The following CALN1 variants were observed in gnomAD, a reference collection of about 807,000 sequenced individuals.
The protein encoded by CALN1 is calcium-binding protein 8.
Under a neutral mutation model 30.6 loss-of-function variants are expected in CALN1, and 17 were observed. The ratio of observed to expected loss-of-function variants is 0.56; its 90% CI spans 0.38 to 0.83. CALN1 has a LOEUF of 0.83. Ranked by LOEUF, CALN1 falls within the 40% of genes least tolerant of loss-of-function variation. The pLI is 0.00. For synonymous variants in CALN1, 156 were observed against 131.4 expected (o/e 1.19, Z -1.28); for missense variants, 291 against 354.9 (o/e 0.82, Z 1.45).
intron 5 of CALN1, among the ~76,000 whole-genome samples, chr7:71,922,044 CCAAA>C (rs1794974442): frequency 6.6e-6 from 1 of 152,162 alleles, no homozygotes; most frequent in Middle Eastern, 3.2e-3. Flanking sequence ...CAATTGTTGG[CCAAA>C]CAGAGGTGAG....
Position 72,242,192 on chromosome 7 carries a change from T to C in CALN1, c.244+36494A>G, listed in dbSNP as rs867385823. ...CTATCTTCAAGGTGCACCCATGCTGTAGTGTGTGTCAGAATGTCCTTCCTT... is the reference window on the plus strand; with the variant it reads ...CTATCTTCAAGGTGCACCCATGCTGCAGTGTGTGTCAGAATGTCCTTCCTT... On this transcript the variant is annotated intron_variant, in intron 3 of 6. Coordinates refer to ENST00000395275, the MANE Select transcript of CALN1 (RefSeq NM_031468.4). Among the ~76,000 whole-genome samples, 4 of 152,162 alleles carry C rather than the reference T, an allele frequency of 2.6e-5. No individual in the cohort carries two copies. In the South Asian group the frequency reaches 6.2e-4, roughly 24 times the overall value.
chr7:72,158,263 A>C (rs1787854718), intron 3 of CALN1, among the ~76,000 whole-genome samples: 2 of 152,252 alleles, frequency 1.3e-5, no homozygotes, highest in Admixed American at 6.5e-5. Flanking sequence ...TACAATAATT[A>C]AACACTTTGG....
intron 3 of CALN1, among the ~76,000 whole-genome samples, chr7:72,241,548 A>AC (rs1416648718): frequency 1.3e-5 from 2 of 152,068 alleles, no homozygotes; most frequent in Non-Finnish European, 2.9e-5. Context: ...CTCTACTAAA[A>AC]ATACAAAATT....
At chr7:72,182,183 C>G (rs551731496) in intron 3 of CALN1, among the ~76,000 whole-genome samples, 3 of 152,192 alleles carry the variant, frequency 2.0e-5, no homozygotes, top group African/African-American at 7.2e-5. Context: ...ATTCAGAAAA[C>G]CAGGGAGCAG....
chr7:71,983,911 A>C (rs1160988811), intron 5 of CALN1, among the ~76,000 whole-genome samples: 1 of 152,208 alleles, frequency 6.6e-6, no homozygotes, highest in Non-Finnish European at 1.5e-5. Context: ...GCTGAAAATA[A>C]ATATAATCAA....
At chr7:72,349,487 A>G (rs543981075) in intron 2 of CALN1, among the ~76,000 whole-genome samples, 3 of 152,316 alleles carry the variant, frequency 2.0e-5, no homozygotes, top group South Asian at 2.1e-4. Flanking sequence ...CTGAAAACCA[A>G]TGATAGAGAA....
At chr7:71,851,208 A>AACACACACACACAC (rs56041427) in intron 5 of CALN1, among the ~76,000 whole-genome samples, 129 of 132,174 alleles carry the variant, frequency 9.8e-4, no homozygotes, top group Non-Finnish European at 1.3e-3. Context: ...CCTTGTCTCA[A>AACACACACACACAC]ACACACACAC....
intron 4 of CALN1, among the ~76,000 whole-genome samples, chr7:72,064,201 G>C (rs1803861551): frequency 6.6e-6 from 1 of 151,216 alleles, no homozygotes; most frequent in African/African-American, 2.4e-5. Context: ...AGAATCACTT[G>C]AACCCAGGAG....
chr7:72,079,645 G>A (rs73124358), intron 4 of CALN1, among the ~76,000 whole-genome samples: 31,078 of 151,698 alleles, frequency 0.2, 3,433 homozygotes, highest in East Asian at 0.28. Context: ...CACCATGGTC[G>A]TAGTCGCTTC....
chr7:72,143,814 C>A (rs1046997623), intron 3 of CALN1, among the ~76,000 whole-genome samples: 8 of 152,122 alleles, frequency 5.3e-5, no homozygotes, highest in Admixed American at 2.0e-4. Context: ...GAGTGGGGAC[C>A]AATATTCAAC....
chr7:72,421,734 A>T (rs1807618663), intron 1 of CALN1, among the ~76,000 whole-genome samples: 1 of 151,714 alleles, frequency 6.6e-6, no homozygotes, highest in South Asian at 2.1e-4. Context: ...CTACAGGCAC[A>T]TGCCACCACA....
chr7:72,439,683 T>TTC (rs1318260157), intron 1 of CALN1, among the ~76,000 whole-genome samples: 1 of 150,468 alleles, frequency 6.6e-6, no homozygotes, highest in East Asian at 2.0e-4. Flanking sequence ...GTTCAAGCAA[T>TTC]TCTCTACCTC....
At chr7:71,963,804 T>A (rs2129525423) in intron 5 of CALN1, among the ~76,000 whole-genome samples, 1 of 152,294 alleles carries the variant, frequency 6.6e-6, no homozygotes, top group East Asian at 1.9e-4. Flanking sequence ...CAAATCTGGA[T>A]AGCAATGCAA....
At chr7:72,222,747 G>A (rs1383689621) in intron 3 of CALN1, among the ~76,000 whole-genome samples, 3 of 152,150 alleles carry the variant, frequency 2.0e-5, no homozygotes, top group Non-Finnish European at 4.4e-5. Flanking sequence ...AAGGCCAGGC[G>A]TGGTGGCTCA....
At chr7:72,134,500 TC>T (rs781087436) in intron 3 of CALN1, among the ~76,000 whole-genome samples, 2 of 152,230 alleles carry the variant, frequency 1.3e-5, no homozygotes, top group Non-Finnish European at 1.5e-5. Flanking sequence ...TTTCTTGGTT[TC>T]CCAGTGCATA....
intron 3 of CALN1, among the ~76,000 whole-genome samples, chr7:72,236,790 G>C (rs1175885893): frequency 1.3e-5 from 2 of 152,140 alleles, no homozygotes; most frequent in African/African-American, 4.8e-5. Flanking sequence ...GTGACTATCT[G>C]TCACATGGAA....
chr7:72,421,909 T>A (rs1161387582), intron 1 of CALN1, among the ~76,000 whole-genome samples: 1 of 152,182 alleles, frequency 6.6e-6, no homozygotes, highest in African/African-American at 2.4e-5. Context: ...GTTACTTCAC[T>A]TAGGATAATG....
At position 72,439,902 on chromosome 7, in the gene CALN1, A is replaced by C. The variant is rs574292932; in HGVS notation, c.-226+7140T>G. Among the ~76,000 whole-genome samples the C allele has an allele frequency of 1.2e-4, 18 of 152,034 alleles. 1 individual carries two copies. The East Asian group carries it at 3.1e-3, about 26-fold the overall frequency. On this transcript the variant is annotated intron_variant, in intron 1 of 6. Transcript: ENST00000395276. ...TCTCCTTGTCTTTTTCACATTGAGG[A>C]GGCTGAGGAGGAGGAAGAAAAAGAG...
chr7:72,280,287 C>T (rs1797649750), intron 2 of CALN1, among the ~76,000 whole-genome samples: 1 of 152,204 alleles, frequency 6.6e-6, no homozygotes, highest in Non-Finnish European at 1.5e-5. Flanking sequence ...AGACACATGG[C>T]TGAGGCAAGA....
Sources: allele counts gnomAD v4.1 joint callset (sites outside exome capture counted in the v4.1 genomes callset), GRCh38; gene constraint gnomAD v4.1.1; transcripts MANE v1.5; gene names NCBI Gene and HGNC (gene_info 2026-07-23, HGNC 2026-07-21).